Variants in CD226 observed in about 807,000 individuals in gnomAD.
CD226 encodes CD226 antigen.
CD226 carries 24 observed loss-of-function variants against 34.9 expected under a neutral mutation model. The ratio of observed to expected loss-of-function variants is 0.69; its 90% CI spans 0.50 to 0.97. The LOEUF (loss-of-function observed/expected upper bound fraction) is 0.97, where lower values mean the gene tolerates loss of function less well. Among genes scored for constraint, CD226 ranks in the 50% least tolerant of loss-of-function variants. The pLI is 0.00. For missense variants in CD226, 397 were observed against 412.7 expected, an observed-to-expected ratio of 0.96 and a Z score of 0.33; for synonymous variants, 148 against 147.4, an observed-to-expected ratio of 1.00 and a Z score of -0.03.
intron 2 of CD226, among the ~76,000 whole-genome samples, chr18:69,938,918 C>G (rs530611832): frequency 3.3e-5 from 5 of 152,256 alleles, no homozygotes; most frequent in African/African-American, 1.2e-4. Context: ...AAACCCCCAT[C>G]TCTACAAAAA....
At position 69,875,234 on chromosome 18, in the gene CD226, G is replaced by A. The variant is rs183338109; in HGVS notation, c.728-1988C>T. ...GCTCGCTGCAAGCTCCACTTCCCAG[G>A]TTCAAGCAATTCTCCTGCCTCAGCC... On this transcript the variant is annotated intron_variant, in intron 3 of 5. Coordinates refer to ENST00000582621, the MANE Select transcript of CD226 (RefSeq NM_001303618.2). Among the ~76,000 whole-genome samples the A allele has an allele frequency of 1.6e-3, 245 of 152,280 alleles. 1 individual carries two copies. Among genetic ancestry groups the A allele is most frequent in the Non-Finnish European group, 2.5e-3 (171 of 68,020 alleles).
intron 3 of CD226, among the ~76,000 whole-genome samples, chr18:69,877,587 C>A (rs942361197): frequency 6.6e-6 from 1 of 152,112 alleles, no homozygotes; most frequent in Non-Finnish European, 1.5e-5. Flanking sequence ...GGTCTTTTGA[C>A]CCACATTCAG....
At chr18:69,900,959 T>C (rs950773273) in intron 2 of CD226, among the ~76,000 whole-genome samples, 12 of 152,184 alleles carry the variant, frequency 7.9e-5, no homozygotes, top group African/African-American at 2.7e-4. Context: ...ATCCTCAGTG[T>C]CTGCAAATTC....
chr18:69,950,590 T>G (rs968094981), upstream of CD226, among the ~76,000 whole-genome samples: 1 of 151,934 alleles, frequency 6.6e-6, no homozygotes, highest in Non-Finnish European at 1.5e-5. Context: ...TGTGGCCACA[T>G]GCAGGGTGTG....
At chr18:69,910,871 G>C (rs1227972961) in intron 2 of CD226, among the ~76,000 whole-genome samples, 1 of 152,138 alleles carries the variant, frequency 6.6e-6, no homozygotes, top group Non-Finnish European at 1.5e-5. Context: ...TAAAAGAAAA[G>C]AAACACAAGA....
upstream of CD226, among the ~76,000 whole-genome samples, chr18:69,949,231 C>T (rs73466703): frequency 6.8e-3 from 1,038 of 152,270 alleles, 4 homozygotes; most frequent in Middle Eastern, 0.01. Context: ...CTCTCAGTAA[C>T]GCCTGTGACG....
chr18:69,937,088 T>C (rs2055663754), intron 2 of CD226, among the ~76,000 whole-genome samples: 1 of 152,194 alleles, frequency 6.6e-6, no homozygotes, highest in African/African-American at 2.4e-5. Flanking sequence ...GCAAATACCG[T>C]AAGATAGGTT....
rs536696141 is a variant in CD226 at position 69,906,264 on chromosome 18, G to T, written c.383-10219C>A. Among the ~76,000 whole-genome samples, 5 of 152,098 alleles carry T rather than the reference G, an allele frequency of 3.3e-5. No individual in the cohort carries two copies. In the East Asian group the frequency reaches 9.6e-4, roughly 29 times the overall value. On this transcript the variant is annotated intron_variant, in intron 2 of 5. Coordinates refer to ENST00000582621, the MANE Select transcript of CD226 (RefSeq NM_001303618.2). ...GCCTAGATGTGAACTTACATATTTT[G>T]ACTTCCATTGAAAAAAAAGATGTAA... is the stretch of plus-strand genomic sequence containing the variant.
chr18:69,950,774 A>G (rs930195830), upstream of CD226, among the ~76,000 whole-genome samples: 1 of 152,090 alleles, frequency 6.6e-6, no homozygotes, highest in Non-Finnish European at 1.5e-5. Flanking sequence ...TCCTGGTACA[A>G]TTCTAAGAGC....
At chr18:69,877,170 C>A (rs1483319905) in intron 3 of CD226, among the ~76,000 whole-genome samples, 4 of 152,152 alleles carry the variant, frequency 2.6e-5, no homozygotes, top group Admixed American at 1.3e-4. Flanking sequence ...AGTCCCAGGC[C>A]TCTAGAACTT....
intron 2 of CD226, among the ~76,000 whole-genome samples, chr18:69,904,743 T>C (rs1048547641): frequency 1.3e-5 from 2 of 152,110 alleles, no homozygotes; most frequent in Admixed American, 6.5e-5. Context: ...ATCTCTGAGG[T>C]CTCATAAAAC....
At chr18:69,939,313 A>C (rs892551117) in intron 2 of CD226, among the ~76,000 whole-genome samples, 1 of 152,184 alleles carries the variant, frequency 6.6e-6, no homozygotes, top group South Asian at 2.1e-4. Flanking sequence ...GTATTGTTTA[A>C]TTATGCATAT....
intron 2 of CD226, among the ~76,000 whole-genome samples, chr18:69,930,250 T>C (rs1185787871): frequency 6.6e-6 from 1 of 152,192 alleles, no homozygotes; most frequent in Non-Finnish European, 1.5e-5. Flanking sequence ...ATATGAGGTG[T>C]CTATTTTGCA....
chr18:69,928,288 C>G (rs1404118226), intron 2 of CD226, among the ~76,000 whole-genome samples: 1 of 152,294 alleles, frequency 6.6e-6, no homozygotes, highest in East Asian at 1.9e-4. Context: ...ACTCCCCCTA[C>G]TTCACCCCAA....
chr18:69,901,519 G>A, intron 2 of CD226, among the ~76,000 whole-genome samples: 1 of 152,128 alleles, frequency 6.6e-6, no homozygotes, highest in East Asian at 1.9e-4. Flanking sequence ...CTGGTCACAG[G>A]GGAACTGATT....
chr18:69,887,705 T>G (rs1398360547), intron 3 of CD226, among the ~76,000 whole-genome samples: 3 of 152,198 alleles, frequency 2.0e-5, no homozygotes, highest in African/African-American at 7.2e-5. Context: ...GTGAGTTAAT[T>G]AATTAAAATG....
intron 2 of CD226, among the ~76,000 whole-genome samples, chr18:69,930,045 TC>T (rs2055570645): frequency 6.6e-6 from 1 of 152,114 alleles, no homozygotes; most frequent in East Asian, 1.9e-4. Context: ...ACAAACAAAA[TC>T]CTACTGGGAC....
At position 69,861,716 on chromosome 18, in the gene CD226, G is replaced by C. The variant is rs1362545047; in HGVS notation, c.*2598C>G. On this transcript the variant is annotated 3_prime_UTR_variant, in exon 6 of 6. Transcript: ENST00000582621. ...TTCTTAGTAACAATCAGAATCATAG[G>C]TGCAAAAGAGTAGAGGGGGAGAAAC... 6.6e-6 allele frequency: 1 copy of C among 151,628 alleles called. No homozygotes were observed. The highest frequency in any genetic ancestry group is 2.4e-5 in the African/African-American group (1 of 41,316). 9.4% of individuals were successfully genotyped at this position (151,628 alleles called of 1,614,324 possible). A position where few individuals can be genotyped will look rare whatever the true frequency, so the allele number is the denominator to read the frequency against.
chr18:69,893,417 A>G (rs1429229082), intron 3 of CD226, among the ~76,000 whole-genome samples: 3 of 152,234 alleles, frequency 2.0e-5, no homozygotes, highest in African/African-American at 7.2e-5. Flanking sequence ...AAATAACCAT[A>G]TCTCCTAAAA....
Sources: gnomAD v4.1 joint callset for allele counts (sites outside exome capture counted in the v4.1 genomes callset) on GRCh38, gnomAD v4.1.1 for gene constraint, MANE v1.5 for transcripts, NCBI Gene and HGNC (gene_info 2026-07-23, HGNC 2026-07-21) for gene names.